MCF2L: variants seen among roughly 807,000 people sequenced by gnomAD.
The protein encoded by MCF2L is MCF.2 cell line derived transforming sequence like.
Under a neutral mutation model 153.4 loss-of-function variants are expected in MCF2L, and 97 were observed. The ratio of observed to expected loss-of-function variants is 0.63; its 90% CI spans 0.54 to 0.75. The LOEUF (loss-of-function observed/expected upper bound fraction) is 0.75. Among genes scored for constraint, MCF2L ranks in the 30% least tolerant of loss-of-function variants. The pLI is 0.00. For synonymous variants in MCF2L, 659 were observed against 632.2 expected (o/e 1.04, Z -0.64); for missense variants, 1,347 against 1,495.2 (o/e 0.90, Z 1.64).
Position 113,066,075 on chromosome 13 carries a change from G to C in MCF2L, c.786G>C (p.Gly262=). 1.9e-6 allele frequency: 3 copies of C among 1,613,210 alleles called. No individual in the cohort carries two copies. The highest frequency in any genetic ancestry group is 2.5e-6 in the Non-Finnish European group (3 of 1,179,896). The change falls in exon 8 of 30, where the codon GGG becomes GGC. Residue 262 remains glycine, a synonymous_variant. Coordinates refer to ENST00000535094, the MANE Select transcript of MCF2L (RefSeq NM_001112732.3). ...KEDLRLALKE[G]HSVLESLREL... ...ATTTGAGGCTGGCACTGAAAGAGGG[G>C]CACAGTGTCCTGGAGAGCCTCAGGG... is the stretch of plus-strand genomic sequence containing the variant.
In MCF2L at chr13:113,026,295, T is replaced by C. The variant is rs547509390; in HGVS notation, c.278+1537T>C. 1.5e-3 allele frequency among the ~76,000 whole-genome samples: 224 copies of C among 152,324 alleles called. 2 individuals are homozygous for C. The Middle Eastern group carries it at 0.027, about 19-fold the overall frequency. The stretch of plus-strand genomic sequence containing the variant: ...AGGTTCCACCATGGTGGGGTCCCCG[T>C]GACTGCAGGATGAATTAGGGTCTCT... On this transcript the variant is annotated intron_variant, in intron 3 of 29. Transcript: ENST00000535094.
chr13:113,016,423 TG>T (rs1441368366), intron 2 of MCF2L, among the ~76,000 whole-genome samples: 4 of 152,084 alleles, frequency 2.6e-5, no homozygotes, highest in African/African-American at 9.7e-5. Context: ...GCCAAGCCCC[TG>T]GGGGAGCTGG....
chr13:112,987,300 C>G (rs9577408), intron 1 of MCF2L, among the ~76,000 whole-genome samples: 136,193 of 152,120 alleles, frequency 0.9, 61,683 homozygotes, highest in Non-Finnish European at 0.98. Flanking sequence ...GGGTGGCGTG[C>G]GCCTGGAGCA....
chr13:113,027,208 C>A lies in MCF2L; in HGVS notation c.278+2450C>A. ...TCTTTAAAGACAACAGCGCACTGGG[C>A]CTGGTAACTGAGAGCTCAGCCCGTC... is the stretch of plus-strand genomic sequence containing the variant. On this transcript the variant is annotated intron_variant, in intron 3 of 29. Coordinates refer to ENST00000535094, the MANE Select transcript of MCF2L (RefSeq NM_001112732.3). The surrounding 1 kb of genome is among the most constrained non-coding windows in gnomAD (Gnocchi z 4.8). 1 of 606,200 alleles carries A rather than the reference C, an allele frequency of 1.6e-6. No homozygotes were observed. The highest frequency in any genetic ancestry group is 2.4e-5 in the Admixed American group (1 of 42,258). 37.6% of individuals were successfully genotyped at this position (606,200 alleles called of 1,614,324 possible). A position where few individuals can be genotyped will look rare whatever the true frequency, so the allele number is the denominator to read the frequency against.
chr13:113,094,562 G>A lies in MCF2L; in HGVS notation c.3002G>A (p.Gly1001Asp), dbSNP rs547927498. The A allele has an allele frequency of 2.5e-6, 4 of 1,612,526 alleles. No homozygotes were observed. The highest frequency in any genetic ancestry group is 3.4e-6 in the Non-Finnish European group (4 of 1,179,724). Residue 1001 changes from glycine (G) to aspartate (D), a missense_variant, in exon 27 of 30, where the codon GGC becomes GAC. Physicochemically the swap from Gly to Asp is moderately conservative, Grantham distance 94 (BLOSUM62 -1). Transcript: ENST00000535094. The stretch of plus-strand genomic sequence containing the variant: ...CTGGAGGCACCTGAGGACGACGGGG[G>A]CTGGTCAAGTGCAGAGGAGCAGATT... The part of the protein sequence containing the change: ...HSLEAPEDDG[G>D]WSSAEEQINS...
chr13:112,905,350 T>C (rs1173420441), intron 2 of MCF2L, among the ~76,000 whole-genome samples: 2 of 152,252 alleles, frequency 1.3e-5, no homozygotes, highest in South Asian at 2.1e-4. Context: ...GGGTGGGGGC[T>C]ACAGTGGTGG....
At chr13:112,982,162 G>T (rs991140381) in intron 1 of MCF2L, among the ~76,000 whole-genome samples, 2 of 152,208 alleles carry the variant, frequency 1.3e-5, no homozygotes, top group Non-Finnish European at 2.9e-5. Flanking sequence ...TTGGAAAGAG[G>T]TCTAGGGGCC....
chr13:113,056,631 G>A (rs1179045577), intron 4 of MCF2L, among the ~76,000 whole-genome samples: 5 of 147,154 alleles, frequency 3.4e-5, no homozygotes, highest in African/African-American at 1.3e-4. Context: ...TGAGTGTTTG[G>A]GTGCTGTGTG....
At chr13:113,077,510 C>T (rs576073426) in intron 13 of MCF2L, among the ~76,000 whole-genome samples, 1 of 152,328 alleles carries the variant, frequency 6.6e-6, no homozygotes, top group South Asian at 2.1e-4. Context: ...CTCAGTGAAG[C>T]CCACGTGGCC....
At chr13:113,038,984 C>T (rs1270405755) in intron 3 of MCF2L, among the ~76,000 whole-genome samples, 1 of 152,148 alleles carries the variant, frequency 6.6e-6, no homozygotes, top group Non-Finnish European at 1.5e-5. Context: ...TAGCCTCCCG[C>T]ATAGCTGGGA....
At chr13:112,992,752 C>G (rs1450430957) in intron 1 of MCF2L, among the ~76,000 whole-genome samples, 1 of 152,180 alleles carries the variant, frequency 6.6e-6, no homozygotes, top group Non-Finnish European at 1.5e-5. Flanking sequence ...CTTGGTGTTT[C>G]GTAGCCAATC....
At chr13:112,905,052 A>T (rs542933634) in intron 2 of MCF2L, among the ~76,000 whole-genome samples, 3 of 152,180 alleles carry the variant, frequency 2.0e-5, no homozygotes, top group Non-Finnish European at 2.9e-5. Context: ...TCTTCTCTGA[A>T]ACTCTGTCCC....
chr13:112,982,781 G>T (rs2082484894), intron 1 of MCF2L, among the ~76,000 whole-genome samples: 1 of 152,204 alleles, frequency 6.6e-6, no homozygotes, highest in Admixed American at 6.5e-5. Context: ...GATCGTGTCT[G>T]TGGTTGGAAG....
rs9549345 is a variant in MCF2L at position 113,064,498 on chromosome 13, C to T, written c.606+78C>T. 25,905 of 888,974 alleles carry T rather than the reference C, an allele frequency of 0.029. 608 individuals carry two copies. Among genetic ancestry groups the T allele is most frequent in the Admixed American group, 0.088 (4,634 of 52,936 alleles). The allele number at this position is 888,974 out of a possible 1,614,324, so 55.1% of individuals were successfully genotyped here. ...ACAGAATCGCTCTTGCATTACAACA[C>T]GGCCCTTTCCAAAAACACATTCACA... On this transcript the variant is annotated intron_variant, in intron 6 of 29. Transcript: ENST00000535094. This position sits in a 1 kb window ranked among gnomAD's most constrained non-coding sequence, Gnocchi z 6.0.
At chr13:113,021,958 C>T (rs1197610150) in intron 2 of MCF2L, among the ~76,000 whole-genome samples, 2 of 152,312 alleles carry the variant, frequency 1.3e-5, no homozygotes, top group South Asian at 2.1e-4. Context: ...CAGGCCAGGC[C>T]CCCGTGCGAT....
At chr13:113,096,746 A>C (rs1249331291) in intron 29 of MCF2L, 28 bp from the exon 30 acceptor site, 7 of 1,559,000 alleles carry the variant, frequency 4.5e-6, no homozygotes, top group East Asian at 2.4e-5. Flanking sequence ...CCGACGCCGA[A>C]GCCCGTCCCC....
intron 25 of MCF2L, among the ~76,000 whole-genome samples, chr13:113,089,169 G>GCC (rs59023747): frequency 7.1e-4 from 47 of 65,928 alleles, no homozygotes; most frequent in Admixed American, 1.2e-3. Flanking sequence ...ACACTCCCCC[G>GCC]CCCCCCCCCC....
chr13:112,998,800 G>A (rs1349442148), intron 1 of MCF2L, among the ~76,000 whole-genome samples: 1 of 152,186 alleles, frequency 6.6e-6, no homozygotes, highest in Middle Eastern at 3.2e-3. Context: ...TCGGAAACTG[G>A]ACAGAAACCA....
chr13:113,044,578 C>G, intron 3 of MCF2L: 1 of 1,533,316 alleles, frequency 6.5e-7, no homozygotes, highest in Admixed American at 1.9e-5. Flanking sequence ...GTAGCAGCTG[C>G]TGGCATCACG....
Sources: gnomAD v4.1 joint callset for allele counts (sites outside exome capture counted in the v4.1 genomes callset) on GRCh38, gnomAD v4.1.1 for gene constraint, Gnocchi (gnomAD v3.1) non-coding constraint, MANE v1.5 for transcripts, NCBI Gene and HGNC (gene_info 2026-07-23, HGNC 2026-07-21) for gene names.